XRN1: variants seen among roughly 807,000 people sequenced by gnomAD.
XRN1 encodes the protein 5'-3' exoribonuclease 1, also known as strand-exchange protein 1 homolog.
A neutral mutation model predicts 222.3 loss-of-function variants in XRN1; 67 were observed. The ratio of observed to expected loss-of-function variants is 0.30; its 90% CI spans 0.25 to 0.37. XRN1 has a LOEUF of 0.37. Ranked by LOEUF, XRN1 falls within the 10% of genes least tolerant of loss-of-function variation. XRN1 has a pLI of 1.00. For synonymous variants in XRN1, 643 were observed against 652.4 expected, an observed-to-expected ratio of 0.99 and a Z score of 0.22; for missense variants, 1,707 against 2,000.2, an observed-to-expected ratio of 0.85 and a Z score of 2.80.
At chr3:142,423,138 T>C (rs1343024267) in intron 6 of XRN1, among the ~76,000 whole-genome samples, 1 of 152,230 alleles carries the variant, frequency 6.6e-6, no homozygotes, top group Non-Finnish European at 1.5e-5. Context: ...TGGTTTACAT[T>C]ATGTGTTCTG....
At chr3:142,383,555 T>A (rs2067380012) in intron 21 of XRN1, 142 bp from the exon 22 acceptor site, 1 of 696,572 alleles carries the variant, frequency 1.4e-6, no homozygotes, top group Non-Finnish European at 2.4e-6. Context: ...CTAAAATTTG[T>A]TGACTGGTTA....
Position 142,370,578 on chromosome 3 carries a change from A to G in XRN1, c.3111T>C (p.His1037=). The change falls in exon 27 of 41, where the codon CAT becomes CAC. Residue 1037 remains histidine (H), a synonymous_variant. Coordinates refer to ENST00000392981, the MANE Select transcript of XRN1 (RefSeq NM_001282857.2). ...AAGAACGAGATAAAGTACTGACAGG[A>G]TGTCCTTTTAGCCAAGTAATAATTT... ...VQEIITWLKG[H]PVSTLSRSSC... The G allele has an allele frequency of 1.2e-6, 2 of 1,601,332 alleles. No individual in the cohort carries two copies. Among genetic ancestry groups the G allele is most frequent in the Non-Finnish European group, 1.7e-6 (2 of 1,175,780 alleles).
Position 142,421,041 on chromosome 3 carries a change from T to A in XRN1, c.1148A>T (p.Asn383Ile). ...AAGVAAEEAR[N>I]YKEKKKLKGQ... is the part of the protein sequence containing the mutation. ...CTTTAACTTTTTCTTTTCCTTGTAG[T>A]TCCTGGCTTCTTCTGCTGCGACACC... The change falls in exon 10 of 41, where the codon AAC (asparagine) becomes ATC (isoleucine). Residue 383 changes from asparagine to isoleucine, a missense_variant. Around this residue, in one of 2 missense-constraint regions of XRN1, gnomAD observed 1,234 missense variants for 1,518.2 expected, o/e 0.81. Coordinates refer to ENST00000392981, the MANE Select transcript of XRN1 (RefSeq NM_001282857.2). The A allele has an allele frequency of 6.2e-7, 1 of 1,614,034 alleles. No individual in the cohort carries two copies.
At chr3:142,430,296 G>C (rs2069466764) in intron 2 of XRN1, among the ~76,000 whole-genome samples, 1 of 152,032 alleles carries the variant, frequency 6.6e-6, no homozygotes, top group Admixed American at 6.6e-5. Context: ...GAAATAGCTA[G>C]AGTGCTTTCT....
intron 29 of XRN1, 117 bp downstream of exon 29, chr3:142,364,930 A>T: frequency 1.9e-6 from 2 of 1,066,368 alleles, no homozygotes; most frequent in Non-Finnish European, 2.5e-6. Context: ...AAACATAAAA[A>T]GATTGTTTGT....
At chr3:142,433,559 T>C (rs967355887) in intron 1 of XRN1, among the ~76,000 whole-genome samples, 1 of 152,216 alleles carries the variant, frequency 6.6e-6, no homozygotes, top group African/African-American at 2.4e-5. Flanking sequence ...TTTAAATGTT[T>C]GTGTTGGAAC....
chr3:142,422,585 C>A lies in XRN1; in HGVS notation c.964G>T (p.Gly322Trp). 1 of 1,612,730 alleles carries A rather than the reference C, an allele frequency of 6.2e-7. No homozygotes were observed. Among genetic ancestry groups the A allele is most frequent in the South Asian group, 1.1e-5 (1 of 90,810 alleles). ...GAGATTATTAAATTCTTCTTACCCC[C>A]AAGTTCTGGCAGGATGGTAACATAT... The part of the protein sequence containing the change: ...GTYVTILPEL[G>W]GYINESGHLN... The change falls in exon 8 of 41, where the codon GGG (glycine) becomes TGG (tryptophan). Residue 322 changes from glycine (G) to tryptophan (W), a missense_variant. Physicochemically the swap from Gly to Trp is radical, Grantham distance 184 (BLOSUM62 -2). Coordinates refer to ENST00000392981, the MANE Select transcript of XRN1 (RefSeq NM_001282857.2).
At chr3:142,425,157 A>C (rs1010375692) in intron 5 of XRN1, 65 bp downstream of exon 5, 1 of 1,164,534 alleles carries the variant, frequency 8.6e-7, no homozygotes, top group Non-Finnish European at 1.2e-6. Context: ...TTCCTGTACA[A>C]AATGAAATCT....
At chr3:142,393,658 T>A (rs1214849338) in intron 20 of XRN1, among the ~76,000 whole-genome samples, 1 of 152,232 alleles carries the variant, frequency 6.6e-6, no homozygotes, top group Non-Finnish European at 1.5e-5. Flanking sequence ...GCCAGCAATT[T>A]CTATGGCTAT....
intron 1 of XRN1, among the ~76,000 whole-genome samples, chr3:142,444,706 T>C (rs561421224): frequency 6.6e-5 from 10 of 152,188 alleles, no homozygotes; most frequent in Non-Finnish European, 1.5e-4. Flanking sequence ...TAAAAGAGTG[T>C]AATTAGATTT....
chr3:142,359,812 G>C (rs752756393), intron 30 of XRN1, 50 bp downstream of exon 30: 1 of 1,355,764 alleles, frequency 7.4e-7, no homozygotes, highest in Non-Finnish European at 1.0e-6. Flanking sequence ...TAAAGTCACT[G>C]GCCACATGAA....
rs145147950 is a variant in XRN1, at chr3:142,440,628, A to G, written c.75+7242T>C. On this transcript the variant is annotated intron_variant, in intron 1 of 40. Coordinates refer to ENST00000392981, the MANE Select transcript of XRN1 (RefSeq NM_001282857.2). Reference sequence around the variant, plus strand: ...ATGCAATAGCTCCTGCAATACTCCAAATTTAGGAGTACAGAAACCCAACAG... The same window carrying G: ...ATGCAATAGCTCCTGCAATACTCCAGATTTAGGAGTACAGAAACCCAACAG... 4.7e-4 allele frequency among the ~76,000 whole-genome samples: 71 copies of G among 152,184 alleles called. 1 individual carries two copies. The highest frequency in any genetic ancestry group is 1.6e-3 in the African/African-American group (68 of 41,512).
rs532276465 is a variant in XRN1 at position 142,329,882 on chromosome 3, G to A, written c.4223-267C>T. On this transcript the variant is annotated intron_variant, in intron 36 of 40. Transcript: ENST00000392981. ...GGCCACGCACCTTATAAATTTGGTC[G>A]AAAACCTTGAAAAATTCAGTTAGAC... Among the ~76,000 whole-genome samples the A allele has an allele frequency of 9.7e-4, 148 of 152,224 alleles. 2 individuals carry two copies. Among genetic ancestry groups the A allele is most frequent in the African/African-American group, 3.4e-3 (143 of 41,546 alleles).
intron 25 of XRN1, among the ~76,000 whole-genome samples, chr3:142,373,816 T>G (rs540381126): frequency 6.6e-6 from 1 of 151,452 alleles, no homozygotes; most frequent in African/African-American, 2.4e-5. Context: ...CCATCTCTAC[T>G]AAAAAAAATA....
intron 37 of XRN1, 70 bp downstream of exon 37, chr3:142,329,364 A>G (rs1227295090): frequency 1.7e-6 from 2 of 1,166,740 alleles, no homozygotes; most frequent in East Asian, 3.2e-5. Context: ...TTCTAGCTAA[A>G]CATTTTCAAC....
At chr3:142,405,784 G>A (rs1270583246) in intron 15 of XRN1, among the ~76,000 whole-genome samples, 2 of 152,038 alleles carry the variant, frequency 1.3e-5, no homozygotes, top group Middle Eastern at 3.4e-3. Context: ...TGAAAAAAAA[G>A]CACATACACT....
intron 31 of XRN1, among the ~76,000 whole-genome samples, chr3:142,356,499 T>C (rs2066469448): frequency 6.6e-6 from 1 of 152,214 alleles, no homozygotes; most frequent in Non-Finnish European, 1.5e-5. Context: ...CACCCATAAA[T>C]TGTATGGTAG....
chr3:142,381,842 A>G (rs1186798598), intron 22 of XRN1, among the ~76,000 whole-genome samples: 12 of 152,264 alleles, frequency 7.9e-5, no homozygotes, highest in Non-Finnish European at 1.5e-4. Flanking sequence ...CTGGGATTAC[A>G]GGAGTGAGCC....
intron 22 of XRN1, among the ~76,000 whole-genome samples, chr3:142,382,240 C>A (rs2067329362): frequency 6.6e-6 from 1 of 151,964 alleles, no homozygotes; most frequent in Non-Finnish European, 1.5e-5. Flanking sequence ...AAAAAATGCC[C>A]CCTAGATTTA....
Sources: allele counts gnomAD v4.1 joint callset (sites outside exome capture counted in the v4.1 genomes callset), GRCh38; gene constraint gnomAD v4.1.1; regional missense constraint gnomAD v4.1.1; transcripts MANE v1.5; gene names NCBI Gene and HGNC (gene_info 2026-07-23, HGNC 2026-07-21).